The following GYS2 variants were observed in gnomAD, a reference collection of about 807,000 sequenced individuals.
The protein encoded by GYS2 is glycogen synthase 2.
Under a neutral mutation model 85.6 loss-of-function variants are expected in GYS2, and 80 were observed. The ratio of observed to expected loss-of-function variants is 0.93; its 90% confidence interval spans 0.78 to 1.13. GYS2 has a LOEUF of 1.13. Ranked by LOEUF, GYS2 falls within the 50% of genes most tolerant of loss-of-function variation. The pLI, the probability that GYS2 is intolerant of heterozygous loss-of-function variation, is 0.00. For missense variants in GYS2, 881 were observed against 854.9 expected, an observed-to-expected ratio of 1.03 and a Z score of -0.38; for synonymous variants, 328 against 300.7, an observed-to-expected ratio of 1.09 and a Z score of -0.94.
rs370887018 is a variant in GYS2, at chr12:21,559,147, C to G, written c.1252G>C (p.Asp418His). The G allele has an allele frequency of 6.2e-7, 1 of 1,607,508 alleles. No individual in the cohort carries two copies. ...LLRGEIPDLN[D>H]ILDRDDLTIM... The stretch of plus-strand genomic sequence containing the variant: ...GTTAGATCATCTCGATCTAAAATAT[C>G]GTTCAGGTCAGGAATTTCTCCTCTG... Residue 418 changes from aspartate (D) to histidine (H), a missense_variant, in exon 10 of 16, where the codon GAT (aspartate) becomes CAT (histidine). Asp to His is a moderately conservative substitution (Grantham distance 81). Coordinates refer to ENST00000261195, the MANE Select transcript of GYS2 (RefSeq NM_021957.4).
At chr12:21,557,925 A>G (rs778029197) in intron 11 of GYS2, among the ~76,000 whole-genome samples, 4 of 152,176 alleles carry the variant, frequency 2.6e-5, no homozygotes, top group Admixed American at 1.3e-4. Context: ...GAAATAAAAA[A>G]GTAAGTAATT....
chr12:21,564,223 A>T (rs991640264), intron 5 of GYS2, among the ~76,000 whole-genome samples: 2 of 152,220 alleles, frequency 1.3e-5, no homozygotes, highest in African/African-American at 4.8e-5. Flanking sequence ...TGTAATTTTA[A>T]GAATCTTTTC....
At chr12:21,552,103 A>G (rs1202920880) in intron 11 of GYS2, among the ~76,000 whole-genome samples, 1 of 152,220 alleles carries the variant, frequency 6.6e-6, no homozygotes, top group Non-Finnish European at 1.5e-5. Flanking sequence ...AGAGGATTAA[A>G]TGAGATCCTG....
intron 14 of GYS2, 57 bp downstream of exon 14, chr12:21,540,353 T>G (rs768358540): frequency 1.2e-4 from 159 of 1,333,788 alleles, no homozygotes; most frequent in Middle Eastern, 1.9e-4. Context: ...AATCAATATG[T>G]TTATAGTCCA....
chr12:21,604,717 T>C lies in GYS2; in HGVS notation c.-125A>G, dbSNP rs1591816914. The C allele has an allele frequency of 6.5e-7, 1 of 1,540,372 alleles. No individual in the cohort carries two copies. The highest frequency in any genetic ancestry group is 2.4e-5 in the East Asian group (1 of 41,542). ...GTTACCAGGCTTTGGTAGCTTCTCT[T>C]GGGAATAAACTAGTAGCATGAAATC... is the stretch of plus-strand genomic sequence containing the variant. On this transcript the variant is annotated 5_prime_UTR_variant, in exon 1 of 16. Coordinates refer to ENST00000261195, the MANE Select transcript of GYS2 (RefSeq NM_021957.4).
intron 11 of GYS2, among the ~76,000 whole-genome samples, chr12:21,555,116 G>C (rs1183598969): frequency 6.6e-6 from 1 of 152,122 alleles, no homozygotes; most frequent in African/African-American, 2.4e-5. Flanking sequence ...AATGTTCTGA[G>C]AAAAACAGAA....
At chr12:21,549,165 T>G (rs1172090437) in intron 11 of GYS2, among the ~76,000 whole-genome samples, 1 of 152,196 alleles carries the variant, frequency 6.6e-6, no homozygotes, top group Admixed American at 6.5e-5. Context: ...CTATTTAACT[T>G]GCTAACTCTG....
At chr12:21,603,283 C>T (rs1024700209) in intron 1 of GYS2, among the ~76,000 whole-genome samples, 11 of 152,054 alleles carry the variant, frequency 7.2e-5, no homozygotes, top group African/African-American at 2.7e-4. Flanking sequence ...AGAATAAGAC[C>T]GTGCTTTGTT....
chr12:21,563,500 T>C (rs1017991115), intron 5 of GYS2, among the ~76,000 whole-genome samples, 155 bp from the exon 6 acceptor site: 1 of 152,170 alleles, frequency 6.6e-6, no homozygotes, highest in Non-Finnish European at 1.5e-5. Context: ...TTCCAGTTCA[T>C]AAAAAATTCA....
At chr12:21,566,068 T>G (rs2136888406) in intron 5 of GYS2, among the ~76,000 whole-genome samples, 1 of 152,324 alleles carries the variant, frequency 6.6e-6, no homozygotes, top group East Asian at 1.9e-4. Flanking sequence ...TCTCCAATAT[T>G]TTTAAGAAAA....
At chr12:21,593,871 C>A (rs1362073763) in intron 1 of GYS2, among the ~76,000 whole-genome samples, 3 of 152,036 alleles carry the variant, frequency 2.0e-5, no homozygotes, top group Admixed American at 2.0e-4. Context: ...CAACAAAATA[C>A]TAGCAAACTG....
Position 21,536,850 on chromosome 12 carries a change from T to A in GYS2, c.*104A>T. ...TTTTTAGGCAGAGAATAAACTCCAT[T>A]GTAATACTTAGAAGGAGAAAATGAA... On this transcript the variant is annotated 3_prime_UTR_variant, in exon 16 of 16. Transcript: ENST00000261195. The A allele has an allele frequency of 1.3e-6, 1 of 795,658 alleles. No individual in the cohort carries two copies. Among genetic ancestry groups the A allele is most frequent in the Admixed American group, 2.0e-5 (1 of 49,946 alleles). The allele number at this position is 795,658 out of a possible 1,614,324, so 49.3% of individuals were successfully genotyped here. A position where few individuals can be genotyped will look rare whatever the true frequency, so the allele number is the denominator to read the frequency against.
chr12:21,553,041 T>C (rs1251718293), intron 11 of GYS2, among the ~76,000 whole-genome samples: 1 of 152,222 alleles, frequency 6.6e-6, no homozygotes, highest in African/African-American at 2.4e-5. Flanking sequence ...AGCTGTTAAA[T>C]GCAGCACCTA....
chr12:21,562,669 A>T (rs1944268500), intron 7 of GYS2, among the ~76,000 whole-genome samples: 1 of 149,740 alleles, frequency 6.7e-6, no homozygotes, highest in African/African-American at 2.5e-5. Context: ...GCTTAATGAG[A>T]CATATAATGG....
At chr12:21,589,746 C>T (rs1370001943) in intron 1 of GYS2, among the ~76,000 whole-genome samples, 3 of 152,138 alleles carry the variant, frequency 2.0e-5, no homozygotes, top group Admixed American at 2.0e-4. Flanking sequence ...ACCATGCAGG[C>T]CTTGAGACTA....
intron 1 of GYS2, among the ~76,000 whole-genome samples, chr12:21,585,643 A>G (rs1451254368): frequency 6.6e-6 from 1 of 152,106 alleles, no homozygotes; most frequent in African/African-American, 2.4e-5. Flanking sequence ...AGAAGAAGGT[A>G]GTCATCAATA....
At chr12:21,563,520 G>A (rs542756891) in intron 5 of GYS2, among the ~76,000 whole-genome samples, 175 bp from the exon 6 acceptor site, 8 of 151,930 alleles carry the variant, frequency 5.3e-5, no homozygotes, top group African/African-American at 9.7e-5. Context: ...ATAAAAATTC[G>A]CAACAAATTT....
Position 21,539,292 on chromosome 12 carries a change from T to A in GYS2, c.1856A>T (p.Asp619Val). 5 of 1,605,904 alleles carry A rather than the reference T, an allele frequency of 3.1e-6. No individual in the cohort carries two copies. The highest frequency in any genetic ancestry group is 4.3e-6 in the Non-Finnish European group (5 of 1,172,628). ...RHLTLSRAFP[D>V]KFHVELTSPP... Reference sequence around the variant, plus strand: ...TGATGTTAGTTCCACATGGAATTTATCTGGAAAAGCTCTGCTTAATGTCAG... The same window carrying A: ...TGATGTTAGTTCCACATGGAATTTAACTGGAAAAGCTCTGCTTAATGTCAG... The change falls in exon 15 of 16, where the codon GAT becomes GTT. Residue 619 changes from aspartate (D) to valine (V), a missense_variant. Coordinates refer to ENST00000261195, the MANE Select transcript of GYS2 (RefSeq NM_021957.4).
In GYS2 at chr12:21,580,477, T is replaced by G; in HGVS notation, c.168A>C (p.Ala56=). Residue 56 remains alanine, a synonymous_variant, in exon 2 of 16, where the codon GCA becomes GCC. Transcript: ENST00000261195. Reference sequence around the variant, plus strand: ...GAAAATAGTTCTCTCCCCATTCATCTGCTGTTGTTTTGGCCTTTGTCTGAA... The same window carrying G: ...GAAAATAGTTCTCTCCCCATTCATCGGCTGTTGTTTTGGCCTTTGTCTGAA... ...TVIQTKAKTT[A]DEWGENYFLI... is the part of the protein sequence containing the mutation. The G allele has an allele frequency of 6.2e-7, 1 of 1,613,838 alleles. No individual in the cohort carries two copies. The highest frequency in any genetic ancestry group is 1.3e-5 in the African/African-American group (1 of 75,050).
Sources: allele counts gnomAD v4.1 joint callset (sites outside exome capture counted in the v4.1 genomes callset), GRCh38; gene constraint gnomAD v4.1.1; transcripts MANE v1.5; gene names NCBI Gene and HGNC (gene_info 2026-07-23, HGNC 2026-07-21).